The following RUVBL1 variants were observed in gnomAD, a reference collection of about 807,000 sequenced individuals.
RUVBL1 encodes the protein RuvB like AAA ATPase 1.
In RUVBL1, 4 loss-of-function variants were observed where a neutral mutation model predicts 52.4. The ratio of observed to expected loss-of-function variants is 0.08; its 90% CI spans 0.04 to 0.17. The LOEUF (loss-of-function observed/expected upper bound fraction) is 0.17, where lower values mean the gene tolerates loss of function less well. Ranked by LOEUF, RUVBL1 falls within the 10% of genes least tolerant of loss-of-function variation. RUVBL1 has a pLI of 1.00. For synonymous variants in RUVBL1, 217 were observed against 214.4 expected, an observed-to-expected ratio of 1.01 and a Z score of -0.10; for missense variants, 298 against 572.8, an observed-to-expected ratio of 0.52 and a Z score of 4.90.
At chr3:128,065,298 G>C (rs7636632) in intron 9 of RUVBL1, 1 of 596,578 alleles carries the variant, frequency 1.7e-6, no homozygotes, top group Non-Finnish European at 3.0e-6. Context: ...CTATCGACAG[G>C]TAAGATACAT....
intron 1 of RUVBL1, among the ~76,000 whole-genome samples, chr3:128,133,423 C>T (rs540580297): frequency 6.6e-6 from 1 of 152,350 alleles, no homozygotes; most frequent in South Asian, 2.1e-4. Flanking sequence ...CAGTGGTCAC[C>T]ATGGCCCTTG....
rs1302744110 is a variant in RUVBL1 at position 128,130,608 on chromosome 3, AAAAAAATTT to A, written c.-39-11203_-39-11195del. The stretch of plus-strand genomic sequence containing the variant: ...ACCCCATCTCTACAAAAAAAAAAAA[AAAAAAATTT>A]TATTTATTTATGTATTTATTTATTT... On this transcript the variant is annotated intron_variant, in intron 1 of 9. Transcript: ENST00000464873. Among the ~76,000 whole-genome samples the A allele has an allele frequency of 1.8e-3, 254 of 143,504 alleles. 2 individuals carry two copies. Among genetic ancestry groups the A allele is most frequent in the African/African-American group, 6.2e-3 (237 of 38,480 alleles). The allele number at this position is 143,504 out of a possible 152,430, so 94.1% of individuals were successfully genotyped here.
intron 3 of RUVBL1, among the ~76,000 whole-genome samples, chr3:128,106,682 C>G (rs1291315176): frequency 6.6e-6 from 1 of 152,186 alleles, no homozygotes; most frequent in Non-Finnish European, 1.5e-5. Flanking sequence ...TGTCATTAGG[C>G]ACATCATCTA....
At chr3:128,107,959 C>T (rs932915691) in intron 3 of RUVBL1, among the ~76,000 whole-genome samples, 3 of 152,222 alleles carry the variant, frequency 2.0e-5, no homozygotes, top group African/African-American at 7.2e-5. Context: ...TCACTAGCCC[C>T]CACATTTGTT....
Position 128,081,317 on chromosome 3 carries a change from T to C in RUVBL1, c.1304A>G (p.Glu435Gly). Residue 435 changes from glutamate (E) to glycine (G), a missense_variant, in exon 11 of 11, where the codon GAA becomes GGA. By Grantham distance (98) the Glu-to-Gly change is moderately conservative. This residue lies in a region of RUVBL1 where 161 missense variants were observed against 298.3 expected (regional missense o/e 0.54). Coordinates refer to ENST00000322623, the MANE Select transcript of RUVBL1 (RefSeq NM_003707.3). This position sits in a 1 kb window ranked among gnomAD's most constrained non-coding sequence, Gnocchi z 4.8. ...GGAGGACTTGGCATCATAGAAAAGTTCACTGATCTCTTCGACATGCTCTTT... is the reference window on the plus strand; with the variant it reads ...GGAGGACTTGGCATCATAGAAAAGTCCACTGATCTCTTCGACATGCTCTTT... ...IEKEHVEEIS[E>G]LFYDAKSSAK... 6.2e-7 allele frequency: 1 copy of C among 1,614,232 alleles called. No individual in the cohort carries two copies. Among genetic ancestry groups the C allele is most frequent in the Non-Finnish European group, 8.5e-7 (1 of 1,180,036 alleles).
intron 1 of RUVBL1, among the ~76,000 whole-genome samples, chr3:128,130,946 G>A (rs1332471136): frequency 2.6e-5 from 4 of 151,700 alleles, no homozygotes; most frequent in East Asian, 2.0e-4. Flanking sequence ...CACCCTGCCC[G>A]GCCTTTATTT....
intron 4 of RUVBL1, among the ~76,000 whole-genome samples, chr3:128,102,972 C>G (rs1480503134): frequency 6.6e-6 from 1 of 152,152 alleles, no homozygotes; most frequent in South Asian, 2.1e-4. Context: ...GGTGAGGCCC[C>G]CAGGTAAGGC....
chr3:128,077,366 C>T (rs1401245043), downstream of RUVBL1, among the ~76,000 whole-genome samples: 1 of 152,210 alleles, frequency 6.6e-6, no homozygotes, highest in Non-Finnish European at 1.5e-5. Context: ...GCCTGCTCTC[C>T]CCAGAACAAA....
rs947144176 is a variant in RUVBL1 at position 128,067,558 on chromosome 3, C to T, written c.940-2338G>A. 2.5e-6 allele frequency: 4 copies of T among 1,612,906 alleles called. No homozygotes were observed. The African/African-American group carries it at 5.3e-5, about 22-fold the overall frequency. On this transcript the variant is annotated intron_variant, in intron 9 of 9. Coordinates refer to the RUVBL1 transcript ENST00000464873. This position sits in a 1 kb window ranked among gnomAD's most constrained non-coding sequence, Gnocchi z 4.1. ...TATACATAGTGTTCATGCTGGGCTC[C>T]TGTGCATTCTTCTCCAAAACGTGGA...
At chr3:128,137,780 G>A (rs1227415854) in intron 1 of RUVBL1, among the ~76,000 whole-genome samples, 7 of 152,028 alleles carry the variant, frequency 4.6e-5, no homozygotes, top group Non-Finnish European at 7.4e-5. Flanking sequence ...GAACATTAAC[G>A]CAAAAGTCCT....
chr3:128,123,482 A>G, intron 1 of RUVBL1, 102 bp downstream of exon 1: 1 of 1,248,022 alleles, frequency 8.0e-7, no homozygotes, highest in South Asian at 1.8e-5. Flanking sequence ...ATGGCGGGAG[A>G]CCCCTGGCGC....
At chr3:128,120,379 T>C (rs1226507557) in intron 1 of RUVBL1, among the ~76,000 whole-genome samples, 2 of 152,240 alleles carry the variant, frequency 1.3e-5, no homozygotes, top group Non-Finnish European at 2.9e-5. Flanking sequence ...TATCATCTGT[T>C]AGTATATTTT....
At chr3:128,102,623 T>C (rs1465773099) in intron 4 of RUVBL1, among the ~76,000 whole-genome samples, 1 of 152,210 alleles carries the variant, frequency 6.6e-6, no homozygotes, top group Non-Finnish European at 1.5e-5. Context: ...TCCATTTATA[T>C]GAAATGTCCA....
chr3:128,065,475 TTC>T (rs1941939773), intron 9 of RUVBL1, among the ~76,000 whole-genome samples: 1 of 152,212 alleles, frequency 6.6e-6, no homozygotes, highest in Non-Finnish European at 1.5e-5. Context: ...TTAAACTTGC[TTC>T]TGAGTAAGAG....
intron 1 of RUVBL1, among the ~76,000 whole-genome samples, chr3:128,140,730 A>G (rs1944009497): frequency 6.6e-6 from 1 of 152,208 alleles, no homozygotes; most frequent in South Asian, 2.1e-4. Flanking sequence ...CATGGAGCAT[A>G]TATAAAAACC....
chr3:128,069,731 G>A (rs765520317), intron 9 of RUVBL1: 8 of 1,298,392 alleles, frequency 6.2e-6, no homozygotes, highest in East Asian at 2.3e-5. Flanking sequence ...TCATCATGGC[G>A]CGTGCTGCTG....
chr3:128,104,186 A>G (rs1383898049), intron 4 of RUVBL1, among the ~76,000 whole-genome samples: 1 of 152,222 alleles, frequency 6.6e-6, no homozygotes, highest in Non-Finnish European at 1.5e-5. Flanking sequence ...AAAGACTTAC[A>G]GGACAGGTGG....
chr3:128,135,580 A>G (rs1463855576), intron 1 of RUVBL1, among the ~76,000 whole-genome samples: 1 of 152,214 alleles, frequency 6.6e-6, no homozygotes. Flanking sequence ...AATATTTTAT[A>G]CTAGGATAGC....
downstream of RUVBL1, among the ~76,000 whole-genome samples, chr3:128,077,744 CAG>C (rs1038275543): frequency 1.3e-5 from 2 of 152,224 alleles, no homozygotes; most frequent in African/African-American, 4.8e-5. Flanking sequence ...TTTCCAAACA[CAG>C]GGGGATCCTA....
Sources: gnomAD v4.1 joint callset for allele counts (sites outside exome capture counted in the v4.1 genomes callset) on GRCh38, gnomAD v4.1.1 for gene constraint, gnomAD v4.1.1 regional missense constraint, Gnocchi (gnomAD v3.1) non-coding constraint, MANE v1.5 for transcripts, NCBI Gene and HGNC (gene_info 2026-07-23, HGNC 2026-07-21) for gene names.